The following ADCY3 variants were observed in gnomAD, a reference collection of about 807,000 sequenced individuals.
The protein encoded by ADCY3 is adenylate cyclase type 3.
In ADCY3, 70 loss-of-function variants were observed where a neutral mutation model predicts 119.4. The ratio of observed to expected loss-of-function variants is 0.59; its 90% CI spans 0.48 to 0.72. The LOEUF is 0.72. Among genes scored for constraint, ADCY3 ranks in the 30% least tolerant of loss-of-function variants. The pLI, the probability that ADCY3 is intolerant of heterozygous loss-of-function variation, is 0.00. For missense variants in ADCY3, 1,238 were observed against 1,541.6 expected, an observed-to-expected ratio of 0.80 and a Z score of 3.30; for synonymous variants, 672 against 621.4, an observed-to-expected ratio of 1.08 and a Z score of -1.21.
In ADCY3 at chr2:24,841,553, T is replaced by TA; in HGVS notation, c.1068+2dup. 1 of 1,612,022 alleles carries TA rather than the reference T, an allele frequency of 6.2e-7. No homozygotes were observed. The highest frequency in any genetic ancestry group is 8.5e-7 in the Non-Finnish European group (1 of 1,179,452). ...GGAGAGCCAGGCGGGGCCAGGGACT[T>TA]ACAGCTGCCAGCTTGTCAAAGCGGG... is the stretch of plus-strand genomic sequence containing the variant. On this transcript the variant is annotated splice_region_variant and intron_variant, in intron 5 of 21. Coordinates refer to ENST00000679454, the MANE Select transcript of ADCY3 (RefSeq NM_004036.5). This position sits in a 1 kb window ranked among gnomAD's most constrained non-coding sequence, Gnocchi z 5.8.
At position 24,826,200 on chromosome 2, in the gene ADCY3, G is replaced by A. The variant is rs895933619; in HGVS notation, c.2496-74C>T. On this transcript the variant is annotated intron_variant, in intron 15 of 21. Coordinates refer to ENST00000679454, the MANE Select transcript of ADCY3 (RefSeq NM_004036.5). ...GAGGGGGCCTGATTCCCTCCAACTA[G>A]ATGGTGCTGCTTCCTGCCACCCCAG... The A allele has an allele frequency of 5.9e-6, 8 of 1,359,334 alleles. No individual in the cohort carries two copies. In the South Asian group the frequency reaches 9.7e-5, roughly 16 times the overall value. 84.2% of individuals were successfully genotyped at this position (1,359,334 alleles called of 1,614,324 possible). A position where few individuals can be genotyped will look rare whatever the true frequency, so the allele number is the denominator to read the frequency against.
In ADCY3 at chr2:24,823,332, A is replaced by G; in HGVS notation, c.2760T>C (p.Asp920=). The G allele has an allele frequency of 6.2e-7, 1 of 1,613,404 alleles. No individual in the cohort carries two copies. Among genetic ancestry groups the G allele is most frequent in the African/African-American group, 1.3e-5 (1 of 75,018 alleles). Residue 920 remains aspartate (D), a synonymous_variant, in exon 18 of 22, where the codon GAT becomes GAC. Transcript: ENST00000679454. ...RDEELYSQTY[D]EIGVMFASLP... The stretch of plus-strand genomic sequence containing the variant: ...GGGAGGCAAACATGACTCCAATCTC[A>G]TCATACGTCTGGCTATACAGCTCCT...
chr2:24,890,874 TTTC>T (rs1677572680), intron 2 of ADCY3, among the ~76,000 whole-genome samples: 1 of 152,070 alleles, frequency 6.6e-6, no homozygotes, highest in Non-Finnish European at 1.5e-5. Context: ...ACTTTAGACC[TTTC>T]TTCTTTTTTT....
intron 2 of ADCY3, among the ~76,000 whole-genome samples, chr2:24,879,953 C>T (rs1280748497): frequency 6.6e-6 from 1 of 152,214 alleles, no homozygotes; most frequent in African/African-American, 2.4e-5. Context: ...CCCATGCTGC[C>T]TTGGGCAAAT....
chr2:24,829,974 G>A lies in ADCY3; in HGVS notation c.2172+735C>T, dbSNP rs767742091. Among the ~76,000 whole-genome samples, 30 of 151,388 alleles carry A rather than the reference G, an allele frequency of 2.0e-4. 2 individuals are homozygous for A. The highest frequency in any genetic ancestry group is 3.4e-4 in the Non-Finnish European group (23 of 67,902). ...TCAGGGAGGAAGAATACACAGGACT[G>A]GGACTTAGAACTGCCTCCATTCTGG... On this transcript the variant is annotated intron_variant, in intron 13 of 21. Coordinates refer to ENST00000679454, the MANE Select transcript of ADCY3 (RefSeq NM_004036.5).
In ADCY3 at chr2:24,831,962, CCAGGGGG is replaced by C. The variant is rs1176180321; in HGVS notation, c.1968-220_1968-214del. Among the ~76,000 whole-genome samples, 398 of 106,894 alleles carry C rather than the reference CCAGGGGG, an allele frequency of 3.7e-3. 4 individuals carry two copies. Among genetic ancestry groups the C allele is most frequent in the African/African-American group, 0.013 (346 of 27,164 alleles). The allele number at this position is 106,894 out of a possible 152,430, so 70.1% of individuals were successfully genotyped here. A position where few individuals can be genotyped will look rare whatever the true frequency, so the allele number is the denominator to read the frequency against. ...AGGGGACAGCAGACAGGGGCAGGGG[CCAGGGGG>C]CAGCGGACAGGGACTGGGGGCAGGG... On this transcript the variant is annotated intron_variant, in intron 11 of 21. Transcript: ENST00000679454.
At chr2:24,891,712 G>A (rs1558506313) in intron 2 of ADCY3, among the ~76,000 whole-genome samples, 1 of 152,168 alleles carries the variant, frequency 6.6e-6, no homozygotes, top group Non-Finnish European at 1.5e-5. Context: ...TTGCACTTCA[G>A]ACTGCAAAAG....
chr2:24,870,332 A>G (rs2148800996), intron 3 of ADCY3, among the ~76,000 whole-genome samples: 1 of 151,612 alleles, frequency 6.6e-6, no homozygotes, highest in East Asian at 1.9e-4. Context: ...AAAAAAAAAA[A>G]AAAAAAAAGA....
intron 2 of ADCY3, among the ~76,000 whole-genome samples, chr2:24,885,706 T>A (rs1475062801): frequency 1.3e-5 from 2 of 152,224 alleles, no homozygotes; most frequent in East Asian, 1.9e-4. Context: ...AACACATTAA[T>A]CTTCCAAAAT....
chr2:24,823,641 G>C (rs570051022), intron 17 of ADCY3, among the ~76,000 whole-genome samples: 2 of 151,564 alleles, frequency 1.3e-5, no homozygotes, highest in Non-Finnish European at 2.9e-5. Flanking sequence ...CACCATGCCC[G>C]GCTGTAGATT....
Position 24,885,685 on chromosome 2 carries a change from A to T in ADCY3, c.676-12966T>A, listed in dbSNP as rs1198429358. ...CAGACTCATCTCCCTGGTCCTGCCAATCCACCCTGGAACACATTAATCTTC... is the reference window on the plus strand; with the variant it reads ...CAGACTCATCTCCCTGGTCCTGCCATTCCACCCTGGAACACATTAATCTTC... On this transcript the variant is annotated intron_variant, in intron 2 of 21. Transcript: ENST00000679454. Among the ~76,000 whole-genome samples the T allele has an allele frequency of 2.0e-5, 3 of 152,284 alleles. 1 individual carries two copies. Among genetic ancestry groups the T allele is most frequent in the Admixed American group, 2.0e-4 (3 of 15,302 alleles).
intron 2 of ADCY3, among the ~76,000 whole-genome samples, chr2:24,900,038 T>C (rs1260314743): frequency 6.6e-6 from 1 of 152,030 alleles, no homozygotes; most frequent in Non-Finnish European, 1.5e-5. Context: ...TACTACATAG[T>C]ATTTTCCAGG....
chr2:24,847,425 A>C (rs1671779272), intron 3 of ADCY3, among the ~76,000 whole-genome samples: 1 of 152,200 alleles, frequency 6.6e-6, no homozygotes, highest in African/African-American at 2.4e-5. Flanking sequence ...CCATTTCCAC[A>C]GCAATATCTC....
In ADCY3 at chr2:24,826,033, G is replaced by C; in HGVS notation, c.2577+12C>G. The stretch of plus-strand genomic sequence containing the variant: ...GTGGGCACAGAGCGGGGATCGTGCA[G>C]GCGGCACTCACGTGGCGGGAGAAGT... On this transcript the variant is annotated intron_variant, in intron 16 of 21. Transcript: ENST00000679454. The C allele has an allele frequency of 6.2e-7, 1 of 1,613,602 alleles. No individual in the cohort carries two copies. The highest frequency in any genetic ancestry group is 1.1e-5 in the South Asian group (1 of 91,040).
At chr2:24,873,414 GTC>G (rs1675271127) in intron 2 of ADCY3, among the ~76,000 whole-genome samples, 2 of 152,168 alleles carry the variant, frequency 1.3e-5, no homozygotes, top group African/African-American at 4.8e-5. Context: ...GGGACTTGAG[GTC>G]TCCCCCACTG....
intron 3 of ADCY3, among the ~76,000 whole-genome samples, chr2:24,862,584 A>T (rs1396564882): frequency 6.6e-6 from 1 of 151,948 alleles, no homozygotes; most frequent in Non-Finnish European, 1.5e-5. Context: ...AATAAAAACA[A>T]ATAAAAATCA....
intron 2 of ADCY3, among the ~76,000 whole-genome samples, chr2:24,887,698 C>A (rs1002444916): frequency 6.6e-6 from 1 of 152,140 alleles, no homozygotes; most frequent in African/African-American, 2.4e-5. Context: ...GTGAAGAATG[C>A]AGCTCCAAAC....
Position 24,819,955 on chromosome 2 carries a change from G to A in ADCY3, c.3412C>T (p.His1138Tyr), listed in dbSNP as rs1667297865. ...FPNGPSVTLP[H>Y]QVVDNS ...ATTCAGGAGTTGTCCACCACCTGGT[G>A]GGGCAGTGTGACAGAGGGGCCATTG... The change falls in exon 22 of 22, where the codon CAC (histidine) becomes TAC (tyrosine). Residue 1138 changes from histidine (H) to tyrosine (Y), a missense_variant. Coordinates refer to ENST00000679454, the MANE Select transcript of ADCY3 (RefSeq NM_004036.5). The A allele has an allele frequency of 6.2e-7, 1 of 1,613,806 alleles. No homozygotes were observed. Among genetic ancestry groups the A allele is most frequent in the Non-Finnish European group, 8.5e-7 (1 of 1,179,944 alleles).
chr2:24,862,614 C>A (rs1037297372), intron 3 of ADCY3, among the ~76,000 whole-genome samples: 27 of 151,444 alleles, frequency 1.8e-4, no homozygotes, highest in African/African-American at 6.3e-4. Context: ...CCCAAGTTTT[C>A]TTTTGGGGGA....
Sources: gnomAD v4.1 joint callset for allele counts (sites outside exome capture counted in the v4.1 genomes callset) on GRCh38, gnomAD v4.1.1 for gene constraint, Gnocchi (gnomAD v3.1) non-coding constraint, MANE v1.5 for transcripts, NCBI Gene and HGNC (gene_info 2026-07-23, HGNC 2026-07-21) for gene names.